FAT2: variants seen among roughly 807,000 people sequenced by gnomAD.
FAT2 encodes the protein FAT atypical cadherin 2.
FAT2 carries 150 observed loss-of-function variants against 295.3 expected under a neutral mutation model. The observed-to-expected ratio is 0.51, with a 90% CI of 0.44 to 0.58. FAT2 has a LOEUF of 0.58. Ranked by LOEUF, FAT2 falls within the 20% of genes least tolerant of loss-of-function variation. The probability of loss-of-function intolerance (pLI) is 0.00; values close to 1 mark genes in which losing one functional copy is unlikely to be tolerated. For missense variants in FAT2, 4,868 were observed against 5,442.7 expected, an observed-to-expected ratio of 0.89 and a Z score of 3.32; for synonymous variants, 2,026 against 2,150.3, an observed-to-expected ratio of 0.94 and a Z score of 1.60.
chr5:151,551,330 T>C (rs1757190144), intron 7 of FAT2, 137 bp downstream of exon 7: 8 of 886,538 alleles, frequency 9.0e-6, no homozygotes, highest in Non-Finnish European at 1.4e-5. Flanking sequence ...AGAGAGTGTA[T>C]TAGACAAGAA....
chr5:151,543,150 G>A lies in FAT2; in HGVS notation c.7977C>T (p.Phe2659=), dbSNP rs1415042683. ...LVGLENQTLD[F]FIKAQDGGPP... Reference sequence around the variant, plus strand: ...GGCCTCCATCTTGGGCTTTGATGAAGAAGTCAAGGGTCTGATTTTCCAATC... The same window carrying A: ...GGCCTCCATCTTGGGCTTTGATGAAAAAGTCAAGGGTCTGATTTTCCAATC... The change falls in exon 10 of 24, where the codon TTC becomes TTT. Residue 2659 remains phenylalanine (F), a synonymous_variant. Coordinates refer to ENST00000261800, the MANE Select transcript of FAT2 (RefSeq NM_001447.3). 6.2e-7 allele frequency: 1 copy of A among 1,614,024 alleles called. No homozygotes were observed. Among genetic ancestry groups the A allele is most frequent in the African/African-American group, 1.3e-5 (1 of 74,896 alleles).
At chr5:151,589,274 C>T (rs1206805918) in intron 1 of FAT2, among the ~76,000 whole-genome samples, 1 of 152,186 alleles carries the variant, frequency 6.6e-6, no homozygotes, top group African/African-American at 2.4e-5. Context: ...TAATGCCTGC[C>T]TGACAGCCTC....
Position 151,567,952 on chromosome 5 carries a change from T to C in FAT2, c.980A>G (p.His327Arg), listed in dbSNP as rs1758356916. Residue 327 changes from histidine to arginine, a missense_variant, in exon 2 of 24, where the codon CAT becomes CGT. Transcript: ENST00000261800. ...GGCCTGGAGGCTGAGGTTGAACCCA[T>C]GAAGGTACTCCATCCAGTTGATGTC... ...VKDINWMEYLHGFNLSLQARS... is the reference protein window; with the variant it reads ...VKDINWMEYLRGFNLSLQARS... The C allele has an allele frequency of 1.2e-6, 2 of 1,614,102 alleles. No homozygotes were observed. The highest frequency in any genetic ancestry group is 1.7e-6 in the Non-Finnish European group (2 of 1,180,048).
intron 13 of FAT2, among the ~76,000 whole-genome samples, chr5:151,532,210 G>A (rs553991079): frequency 3.9e-5 from 6 of 152,302 alleles, no homozygotes; most frequent in South Asian, 2.1e-4. Context: ...CAAACTATCC[G>A]AAAATATTAT....
chr5:151,577,912 A>G (rs1178001506), intron 1 of FAT2, among the ~76,000 whole-genome samples: 1 of 151,964 alleles, frequency 6.6e-6, no homozygotes, highest in Non-Finnish European at 1.5e-5. Flanking sequence ...CAGGGAGGGA[A>G]GGGAGGAATC....
Position 151,563,546 on chromosome 5 carries a change from G to T in FAT2, c.3353C>A (p.Ser1118Tyr), listed in dbSNP as rs763394519. 6.2e-7 allele frequency: 1 copy of T among 1,614,168 alleles called. No homozygotes were observed. Among genetic ancestry groups the T allele is most frequent in the East Asian group, 2.2e-5 (1 of 44,884 alleles). The change falls in exon 3 of 24, where the codon TCT (serine) becomes TAT (tyrosine). Residue 1118 changes from serine (S) to tyrosine (Y), a missense_variant. Physicochemically the swap from Ser to Tyr is moderately radical, Grantham distance 144. This residue lies in a region of FAT2 where 3,297 missense variants were observed against 3,669.4 expected (regional missense o/e 0.90). Transcript: ENST00000261800. ...LAVDRGSVPL[S>Y]SVTEVYIEVT... ...CTCGATGTAGACTTCAGTTACAGAA[G>T]AGAGGGGCACAGAACCCCTGTCCAC...
At chr5:151,585,384 G>C (rs1759129384) in intron 1 of FAT2, among the ~76,000 whole-genome samples, 1 of 152,252 alleles carries the variant, frequency 6.6e-6, no homozygotes. Flanking sequence ...GGCCAAGGCA[G>C]GTTGGATCAC....
At position 151,542,554 on chromosome 5, in the gene FAT2, G is replaced by C. The variant is rs1357605440; in HGVS notation, c.8573C>G (p.Thr2858Ser). ...FAIDSESGWI[T>S]TLQELDCETC... is the part of the protein sequence containing the mutation. ...CTCACAGTCAAGTTCCTGGAGTGTG[G>C]TGATCCAACCACTCTCACTGTCAAT... Residue 2858 changes from threonine to serine, a missense_variant, in exon 10 of 24, where the codon ACC becomes AGC. Coordinates refer to ENST00000261800, the MANE Select transcript of FAT2 (RefSeq NM_001447.3). The C allele has an allele frequency of 4.0e-5, 65 of 1,614,060 alleles. No individual in the cohort carries two copies. Among genetic ancestry groups the C allele is most frequent in the Non-Finnish European group, 5.3e-5 (62 of 1,180,038 alleles).
At chr5:151,559,789 C>A (rs1194060943) in intron 3 of FAT2, among the ~76,000 whole-genome samples, 1 of 152,094 alleles carries the variant, frequency 6.6e-6, no homozygotes, top group Non-Finnish European at 1.5e-5. Context: ...GTATCCTGCC[C>A]AGTTGCCCCT....
At chr5:151,573,969 A>T (rs1717957542) in intron 1 of FAT2, among the ~76,000 whole-genome samples, 2 of 152,142 alleles carry the variant, frequency 1.3e-5, no homozygotes, top group African/African-American at 2.4e-5. Flanking sequence ...GTAGGAGGAT[A>T]TTTGTCCTTG....
At chr5:151,581,514 G>A (rs1758955410) in intron 1 of FAT2, among the ~76,000 whole-genome samples, 3 of 152,202 alleles carry the variant, frequency 2.0e-5, no homozygotes, top group Admixed American at 6.5e-5. Flanking sequence ...TTGGAACTAC[G>A]GAGTGCTTGC....
At chr5:151,559,821 T>G (rs1304502535) in intron 3 of FAT2, among the ~76,000 whole-genome samples, 1 of 152,090 alleles carries the variant, frequency 6.6e-6, no homozygotes, top group Non-Finnish European at 1.5e-5. Context: ...CATCCTCCTC[T>G]CTGAAGTCAG....
In FAT2 at chr5:151,531,441, GAGA is replaced by G. The variant is rs1754585602; in HGVS notation, c.9811+143_9811+145del. 5.1e-6 allele frequency: 6 copies of G among 1,165,508 alleles called. No homozygotes were observed. The highest frequency in any genetic ancestry group is 6.0e-6 in the Non-Finnish European group (5 of 837,032). The allele number at this position is 1,165,508 out of a possible 1,614,324, so 72.2% of individuals were successfully genotyped here. ...TGGAAGGAGGGACCTGGTACTCGGA[GAGA>G]AGCAGAAGAGAATGGAGAAACGACC... On this transcript the variant is annotated intron_variant, in intron 14 of 23. Coordinates refer to ENST00000261800, the MANE Select transcript of FAT2 (RefSeq NM_001447.3). The surrounding 1 kb of genome is among the most constrained non-coding windows in gnomAD (Gnocchi z 5.7).
intron 1 of FAT2, among the ~76,000 whole-genome samples, chr5:151,578,749 A>G (rs1758835425): frequency 6.6e-6 from 1 of 152,272 alleles, no homozygotes; most frequent in Admixed American, 6.5e-5. Flanking sequence ...AATAAAGAAA[A>G]TATGGCCTAT....
chr5:151,572,147 A>G (rs1758558523), intron 1 of FAT2, among the ~76,000 whole-genome samples: 1 of 151,986 alleles, frequency 6.6e-6, no homozygotes, highest in Non-Finnish European at 1.5e-5. Context: ...TCACTACCCA[A>G]TATTTTCTTG....
Position 151,534,656 on chromosome 5 carries a change from T to A in FAT2, c.9194-14A>T, listed in dbSNP as rs188439284. On this transcript the variant is annotated splice_polypyrimidine_tract_variant and intron_variant, in intron 12 of 23. Coordinates refer to ENST00000261800, the MANE Select transcript of FAT2 (RefSeq NM_001447.3). ...TGGTCAGCTCCCCTGGTCGGAGAAA[T>A]GACAAAAGTTGAGCTTTCTCTGGGG... The A allele has an allele frequency of 2.4e-5, 39 of 1,595,806 alleles. No homozygotes were observed. The highest frequency in any genetic ancestry group is 3.3e-5 in the Non-Finnish European group (38 of 1,164,650).
Position 151,565,978 on chromosome 5 carries a change from C to T in FAT2, c.2954G>A (p.Arg985Lys). Residue 985 changes from arginine to lysine, a missense_variant, in exon 2 of 24, where the codon AGA (arginine) becomes AAA (lysine). This residue lies in a region of FAT2 where 3,297 missense variants were observed against 3,669.4 expected (regional missense o/e 0.90). Transcript: ENST00000261800. Reference sequence around the variant, plus strand: ...AGCTCGCCTCTCAAAGTCCAGCTCTCTCTCCAGAATGAGCGCCCCTGTCAT... The same window carrying T: ...AGCTCGCCTCTCAAAGTCCAGCTCTTTCTCCAGAATGAGCGCCCCTGTCAT... ...DLMTGALILE[R>K]ELDFERRAGY... 1.9e-6 allele frequency: 3 copies of T among 1,614,130 alleles called. No homozygotes were observed. Among genetic ancestry groups the T allele is most frequent in the Non-Finnish European group, 2.5e-6 (3 of 1,180,032 alleles).
In FAT2 at chr5:151,567,450, G is replaced by A. The variant is rs1758329881; in HGVS notation, c.1482C>T (p.Thr494=). Reference sequence around the variant, plus strand: ...AAGCTTTTGGTCCAGCAATGGAATAGGTGACATATCCATTTTCCCCATGAT... The same window carrying A: ...AAGCTTTTGGTCCAGCAATGGAATAAGTGACATATCCATTTTCCCCATGAT... The part of the protein sequence containing the change: ...DRDHGENGYV[T]YSIAGPKALP... The change falls in exon 2 of 24, where the codon ACC becomes ACT. Residue 494 remains threonine (T), a synonymous_variant. Coordinates refer to ENST00000261800, the MANE Select transcript of FAT2 (RefSeq NM_001447.3). The A allele has an allele frequency of 6.2e-7, 1 of 1,614,020 alleles. No homozygotes were observed. The highest frequency in any genetic ancestry group is 1.3e-5 in the African/African-American group (1 of 74,914).
intron 8 of FAT2, 146 bp from the exon 9 acceptor site, chr5:151,549,651 C>T: frequency 1.6e-6 from 1 of 644,088 alleles, no homozygotes. Context: ...TTGTTCTAAT[C>T]TATATGCTCT....
Sources: gnomAD v4.1 joint callset for allele counts (sites outside exome capture counted in the v4.1 genomes callset) on GRCh38, gnomAD v4.1.1 for gene constraint, gnomAD v4.1.1 regional missense constraint, Gnocchi (gnomAD v3.1) non-coding constraint, MANE v1.5 for transcripts, NCBI Gene and HGNC (gene_info 2026-07-23, HGNC 2026-07-21) for gene names.